The following TMEM132C variants were observed in gnomAD, a reference collection of about 807,000 sequenced individuals.
TMEM132C encodes transmembrane protein 132C, also known as protein phosphatase 1, regulatory subunit 152.
TMEM132C carries 29 observed loss-of-function variants against 61.4 expected under a neutral mutation model. The ratio of observed to expected loss-of-function variants is 0.47; its 90% CI spans 0.35 to 0.64. TMEM132C has a LOEUF of 0.64. TMEM132C is among the 30% of genes least tolerant of loss of function. TMEM132C has a pLI of 0.00. For missense variants in TMEM132C, 1,408 were observed against 1,476.9 expected (o/e 0.95, Z 0.76); for synonymous variants, 656 against 633.1 (o/e 1.04, Z -0.54).
At chr12:128,416,019 A>C in intron 2 of TMEM132C, among the ~76,000 whole-genome samples, 1 of 152,084 alleles carries the variant, frequency 6.6e-6, no homozygotes, top group East Asian at 1.9e-4. Context: ...GGGAGAGATG[A>C]GATCTCACTT....
intron 1 of TMEM132C, among the ~76,000 whole-genome samples, chr12:128,377,793 T>A (rs1415512833): frequency 6.6e-6 from 1 of 152,210 alleles, no homozygotes; most frequent in Non-Finnish European, 1.5e-5. Context: ...TTTGGGTTGG[T>A]GAATAGTCGA....
At chr12:128,420,289 C>T (rs1259895702) in intron 2 of TMEM132C, among the ~76,000 whole-genome samples, 1 of 152,114 alleles carries the variant, frequency 6.6e-6, no homozygotes, top group East Asian at 1.9e-4. Flanking sequence ...ATGGAAAGTG[C>T]TGGTAATACA....
intron 2 of TMEM132C, among the ~76,000 whole-genome samples, chr12:128,542,311 T>C (rs969916360): frequency 2.6e-5 from 4 of 152,258 alleles, no homozygotes; most frequent in Admixed American, 6.5e-5. Context: ...TTTATTATTA[T>C]TATAATTATC....
chr12:128,466,343 A>T (rs1168184474), intron 2 of TMEM132C, among the ~76,000 whole-genome samples: 1 of 152,220 alleles, frequency 6.6e-6, no homozygotes, highest in South Asian at 2.1e-4. Context: ...TTGACCTGCA[A>T]GCATGCTTTG....
chr12:128,302,803 G>A (rs190947521), intron 1 of TMEM132C, among the ~76,000 whole-genome samples: 8 of 152,266 alleles, frequency 5.3e-5, no homozygotes, highest in African/African-American at 1.4e-4. Flanking sequence ...GAAGATCCAC[G>A]GGCTGAATGA....
intron 5 of TMEM132C, among the ~76,000 whole-genome samples, chr12:128,687,170 C>G (rs1251738749): frequency 6.8e-6 from 1 of 146,922 alleles, no homozygotes; most frequent in Non-Finnish European, 1.5e-5. Flanking sequence ...CCATTGCACT[C>G]CAGCCTGGGT....
At chr12:128,629,549 A>G (rs993818397) in intron 4 of TMEM132C, among the ~76,000 whole-genome samples, 16 of 152,190 alleles carry the variant, frequency 1.1e-4, no homozygotes, top group African/African-American at 3.9e-4. Context: ...AAAGAGCAGA[A>G]TGGTGGCTGC....
At position 128,533,948 on chromosome 12, in the gene TMEM132C, T is replaced by TACACACAC. The variant is rs55794743; in HGVS notation, c.975-9984_975-9977dup. Among the ~76,000 whole-genome samples, 571 of 145,776 alleles carry TACACACAC rather than the reference T, an allele frequency of 3.9e-3. 5 individuals carry two copies. The highest frequency in any genetic ancestry group is 6.6e-3 in the South Asian group (29 of 4,418). ...CACATGCTCCTCACACATGCGCACA[T>TACACACAC]ACACACACACACACACACACACACA... On this transcript the variant is annotated intron_variant, in intron 2 of 8. Transcript: ENST00000435159.
At chr12:128,545,340 T>C (rs1406490766) in intron 3 of TMEM132C, among the ~76,000 whole-genome samples, 1 of 152,252 alleles carries the variant, frequency 6.6e-6, no homozygotes, top group South Asian at 2.1e-4. Flanking sequence ...CTATGGTGGA[T>C]GTATACCAGA....
chr12:128,471,642 G>A (rs1381961533), intron 2 of TMEM132C, among the ~76,000 whole-genome samples: 1 of 152,154 alleles, frequency 6.6e-6, no homozygotes, highest in African/African-American at 2.4e-5. Context: ...CCTGGGGTGA[G>A]ACTGCTTGGG....
In TMEM132C at chr12:128,397,298, T is replaced by C. The variant is rs1463393175; in HGVS notation, c.86-17434T>C. Among the ~76,000 whole-genome samples, 3 of 152,166 alleles carry C rather than the reference T, an allele frequency of 2.0e-5. No homozygotes were observed. The East Asian group carries it at 5.8e-4, about 29-fold the overall frequency. ...TGGTCCCACAGAGGGGAGAGAAAGGTCTGGTTAGGGCTTCGCCGTGTGTCT... is the reference window on the plus strand; with the variant it reads ...TGGTCCCACAGAGGGGAGAGAAAGGCCTGGTTAGGGCTTCGCCGTGTGTCT... On this transcript the variant is annotated intron_variant, in intron 1 of 8. Transcript: ENST00000435159.
intron 5 of TMEM132C, among the ~76,000 whole-genome samples, chr12:128,682,994 G>A (rs557418284): frequency 6.6e-6 from 1 of 152,272 alleles, no homozygotes; most frequent in East Asian, 1.9e-4. Flanking sequence ...CTGTGCGTCT[G>A]CCTCTGTGTT....
At chr12:128,335,531 T>G (rs1435388109) in intron 1 of TMEM132C, among the ~76,000 whole-genome samples, 1 of 152,256 alleles carries the variant, frequency 6.6e-6, no homozygotes, top group Admixed American at 6.5e-5. Flanking sequence ...TTTGTTAAAA[T>G]GCTTGCTGTG....
chr12:128,664,536 G>C (rs1954437249), intron 4 of TMEM132C, among the ~76,000 whole-genome samples: 3 of 152,344 alleles, frequency 2.0e-5, no homozygotes, highest in South Asian at 4.1e-4. Flanking sequence ...CCAAGTCATA[G>C]TTATGCCTTT....
At chr12:128,501,744 T>G (rs1872188701) in intron 2 of TMEM132C, among the ~76,000 whole-genome samples, 1 of 152,226 alleles carries the variant, frequency 6.6e-6, no homozygotes, top group South Asian at 2.1e-4. Context: ...AGAATGAGTC[T>G]TTGAACCTGA....
At chr12:128,380,028 T>G (rs149718179) in intron 1 of TMEM132C, among the ~76,000 whole-genome samples, 34 of 152,374 alleles carry the variant, frequency 2.2e-4, no homozygotes, top group Non-Finnish European at 4.6e-4. Context: ...CAGCAAGAGC[T>G]TAATCTCTCC....
intron 3 of TMEM132C, among the ~76,000 whole-genome samples, chr12:128,575,806 G>A (rs1180730459): frequency 6.6e-6 from 1 of 152,206 alleles, no homozygotes; most frequent in Non-Finnish European, 1.5e-5. Context: ...CAAATAACAG[G>A]AAAGATGTGT....
At chr12:128,484,720 G>T (rs957351473) in intron 2 of TMEM132C, among the ~76,000 whole-genome samples, 8 of 152,170 alleles carry the variant, frequency 5.3e-5, no homozygotes, top group Non-Finnish European at 1.2e-4. Flanking sequence ...ACTTTGGGAG[G>T]CCAAGGCGGG....
intron 1 of TMEM132C, among the ~76,000 whole-genome samples, chr12:128,399,814 G>T (rs1199935958): frequency 1.3e-5 from 2 of 152,022 alleles, no homozygotes; most frequent in Non-Finnish European, 2.9e-5. Context: ...TAGATAGTTG[G>T]AAAAGTGTTG....
Sources: gnomAD v4.1 joint callset for allele counts (sites outside exome capture counted in the v4.1 genomes callset) on GRCh38, gnomAD v4.1.1 for gene constraint, MANE v1.5 for transcripts, NCBI Gene and HGNC (gene_info 2026-07-23, HGNC 2026-07-21) for gene names.